Variants in PLPPR1 observed in about 807,000 individuals in gnomAD.
The protein encoded by PLPPR1 is phospholipid phosphatase related 1.
In PLPPR1, 10 loss-of-function variants were observed where a neutral mutation model predicts 33.1. The observed-to-expected ratio is 0.30, with a 90% CI of 0.19 to 0.51. PLPPR1 has a LOEUF of 0.51. Ranked by LOEUF, PLPPR1 falls within the 20% of genes least tolerant of loss-of-function variation. The probability of loss-of-function intolerance (pLI) is 0.97; values close to 1 mark genes in which losing one functional copy is unlikely to be tolerated. For missense variants in PLPPR1, 304 were observed against 408.1 expected, an observed-to-expected ratio of 0.74 and a Z score of 2.20; for synonymous variants, 151 against 151.0, an observed-to-expected ratio of 1.00 and a Z score of 0.00.
At position 101,138,901 on chromosome 9, in the gene PLPPR1, G is replaced by C. The variant is rs141752391; in HGVS notation, c.-45-46549G>C. Among the ~76,000 whole-genome samples the C allele has an allele frequency of 9.0e-3, 1,368 of 152,232 alleles. 7 individuals carry two copies. The highest frequency in any genetic ancestry group is 0.014 in the Non-Finnish European group (971 of 68,022). On this transcript the variant is annotated intron_variant, in intron 1 of 7. Transcript: ENST00000374874. ...CCCAGGGTTTGGTAGGATTAAAGTTGACTCTTCATGAAATGTGACCACTTC... is the reference window on the plus strand; with the variant it reads ...CCCAGGGTTTGGTAGGATTAAAGTTCACTCTTCATGAAATGTGACCACTTC...
intron 3 of PLPPR1, 138 bp from the exon 4 acceptor site, chr9:101,285,966 G>T (rs1015619847): frequency 9.9e-6 from 6 of 604,708 alleles, no homozygotes; most frequent in Middle Eastern, 9.4e-4. Flanking sequence ...TGCAAATTAC[G>T]ATCTAATTCA....
intron 2 of PLPPR1, among the ~76,000 whole-genome samples, chr9:101,246,087 TATATATATATATATATATATATAGATAG>T (rs1827601114): frequency 9.6e-6 from 1 of 104,432 alleles, no homozygotes; most frequent in South Asian, 3.2e-4. Flanking sequence ...TATATATATA[TATATATATATATATATATATATAGATAG>T]ATAGATAGAT....
chr9:101,318,680 G>A (rs368401409), intron 7 of PLPPR1, among the ~76,000 whole-genome samples: 110 of 152,196 alleles, frequency 7.2e-4, no homozygotes, highest in African/African-American at 2.5e-3. Flanking sequence ...AGGCTGAGGT[G>A]GGAGGAGTGT....
chr9:101,038,974 T>C (rs556460667), intron 1 of PLPPR1, among the ~76,000 whole-genome samples: 4 of 152,226 alleles, frequency 2.6e-5, no homozygotes, highest in African/African-American at 9.6e-5. Context: ...TGTAAACATA[T>C]TGGTAGAGAT....
intron 2 of PLPPR1, among the ~76,000 whole-genome samples, chr9:101,213,853 G>T (rs901967949): frequency 2.0e-5 from 3 of 152,108 alleles, no homozygotes; most frequent in African/African-American, 7.2e-5. Flanking sequence ...TTCACATAAG[G>T]TTAAATACTG....
intron 1 of PLPPR1, among the ~76,000 whole-genome samples, chr9:101,152,437 C>T (rs1467533023): frequency 2.6e-5 from 4 of 152,098 alleles, no homozygotes; most frequent in South Asian, 4.1e-4. Context: ...CTTTTGTTGC[C>T]GTTGCTTTTG....
At chr9:101,100,982 T>C (rs1254050633) in intron 1 of PLPPR1, among the ~76,000 whole-genome samples, 1 of 152,126 alleles carries the variant, frequency 6.6e-6, no homozygotes, top group Non-Finnish European at 1.5e-5. Flanking sequence ...GTGTGCAGTA[T>C]TGTGTATACT....
At chr9:101,311,146 C>T (rs531722657) in intron 5 of PLPPR1, among the ~76,000 whole-genome samples, 3 of 150,982 alleles carry the variant, frequency 2.0e-5, no homozygotes, top group African/African-American at 7.3e-5. Context: ...TTTATAGTAC[C>T]ATTATAAAAA....
chr9:101,146,796 C>A (rs898576231), intron 1 of PLPPR1, among the ~76,000 whole-genome samples: 3 of 152,220 alleles, frequency 2.0e-5, no homozygotes, highest in African/African-American at 7.2e-5. Flanking sequence ...GCTTAAAATT[C>A]TGCCAGAAAC....
chr9:101,303,023 G>C (rs12338304), intron 4 of PLPPR1, among the ~76,000 whole-genome samples: 16,048 of 152,250 alleles, frequency 0.11, 1,054 homozygotes, highest in African/African-American at 0.17. Context: ...GTCTCGCTCT[G>C]TTGCCCAGGC....
chr9:101,262,469 A>G (rs542837471), intron 2 of PLPPR1, among the ~76,000 whole-genome samples: 6 of 152,204 alleles, frequency 3.9e-5, no homozygotes, highest in Admixed American at 2.0e-4. Flanking sequence ...AGTTGATATG[A>G]GGTCTCATAT....
At chr9:101,125,459 C>A (rs1831233619) in intron 1 of PLPPR1, 1 of 273,722 alleles carries the variant, frequency 3.7e-6, no homozygotes, top group South Asian at 5.1e-5. Flanking sequence ...TTTTTATGAC[C>A]CTGGGTAGAG....
At chr9:101,079,275 A>T (rs1333775385) in intron 1 of PLPPR1, among the ~76,000 whole-genome samples, 1 of 152,078 alleles carries the variant, frequency 6.6e-6, no homozygotes, top group Non-Finnish European at 1.5e-5. Context: ...CATCCTGGAG[A>T]TTCTCTTTTC....
intron 3 of PLPPR1, 79 bp downstream of exon 3, chr9:101,270,147 C>A: frequency 3.4e-6 from 5 of 1,460,978 alleles, no homozygotes; most frequent in Non-Finnish European, 4.7e-6. Context: ...CCTCTTTCTT[C>A]TCTTCCTGAG....
At position 101,139,066 on chromosome 9, in the gene PLPPR1, A is replaced by G. The variant is rs993955812; in HGVS notation, c.-45-46384A>G. Among the ~76,000 whole-genome samples, 5 of 152,166 alleles carry G rather than the reference A, an allele frequency of 3.3e-5. No individual in the cohort carries two copies. In the East Asian group the frequency reaches 9.6e-4, roughly 29 times the overall value. ...AGTATCATTTTTTTCATGTTGTCTA[A>G]GTATCATGTTTAATGATACCAATGT... On this transcript the variant is annotated intron_variant, in intron 1 of 7. Transcript: ENST00000374874.
intron 5 of PLPPR1, among the ~76,000 whole-genome samples, chr9:101,311,398 T>C (rs537974574): frequency 2.1e-4 from 32 of 152,266 alleles, no homozygotes; most frequent in Admixed American, 2.0e-3. Context: ...CTTTCAGAAA[T>C]TACTCAACAA....
intron 2 of PLPPR1, among the ~76,000 whole-genome samples, chr9:101,239,633 G>T (rs114693707): frequency 6.6e-6 from 1 of 151,862 alleles, no homozygotes; most frequent in Admixed American, 6.6e-5. Context: ...ATAATTCATC[G>T]TGGTTATGAT....
chr9:101,131,959 T>C (rs1052253764), intron 1 of PLPPR1, among the ~76,000 whole-genome samples: 32 of 152,208 alleles, frequency 2.1e-4, no homozygotes, highest in African/African-American at 7.7e-4. Context: ...AGCACTGATA[T>C]GAGTTGAAAC....
intron 1 of PLPPR1, among the ~76,000 whole-genome samples, chr9:101,140,130 A>G (rs903496995): frequency 6.6e-6 from 1 of 152,218 alleles, no homozygotes; most frequent in East Asian, 1.9e-4. Context: ...TTACTTCCCT[A>G]TCCACCTACA....
Sources: allele counts gnomAD v4.1 joint callset (sites outside exome capture counted in the v4.1 genomes callset), GRCh38; gene constraint gnomAD v4.1.1; transcripts MANE v1.5; gene names NCBI Gene and HGNC (gene_info 2026-07-23, HGNC 2026-07-21).